The following COL8A1 variants were observed in gnomAD, a reference collection of about 807,000 sequenced individuals.
COL8A1 encodes collagen type VIII alpha 1 chain, also known as collagen alpha-1(VIII) chain.
In COL8A1, 21 loss-of-function variants were observed where a neutral mutation model predicts 42.7. The ratio of observed to expected loss-of-function variants is 0.49; its 90% CI spans 0.35 to 0.71. COL8A1 has a LOEUF of 0.71. Among genes scored for constraint, COL8A1 ranks in the 30% least tolerant of loss-of-function variants. COL8A1 has a pLI of 0.01. For synonymous variants in COL8A1, 367 were observed against 369.1 expected (o/e 0.99, Z 0.06); for missense variants, 788 against 962.4 (o/e 0.82, Z 2.40).
intron 1 of COL8A1, among the ~76,000 whole-genome samples, chr3:99,696,430 G>A (rs774850119): frequency 3.3e-5 from 5 of 152,180 alleles, no homozygotes; most frequent in South Asian, 2.1e-4. Flanking sequence ...AGCCTGGACC[G>A]AAGAGGACAA....
intron 1 of COL8A1, among the ~76,000 whole-genome samples, chr3:99,651,660 T>C (rs938963080): frequency 1.3e-5 from 2 of 152,216 alleles, no homozygotes; most frequent in African/African-American, 2.4e-5. Flanking sequence ...GCAGATTAGA[T>C]TCTAACCTAT....
intron 1 of COL8A1, among the ~76,000 whole-genome samples, chr3:99,736,992 T>C (rs1458583510): frequency 6.6e-6 from 1 of 152,332 alleles, no homozygotes. Context: ...TGTAATGGCC[T>C]TCTTTGTCTC....
At chr3:99,705,005 A>T (rs1302903829) in intron 1 of COL8A1, among the ~76,000 whole-genome samples, 1 of 152,174 alleles carries the variant, frequency 6.6e-6, no homozygotes, top group Non-Finnish European at 1.5e-5. Flanking sequence ...ATATATTGCA[A>T]GGCAGAAGAG....
At chr3:99,714,222 A>T (rs545741347) in intron 1 of COL8A1, among the ~76,000 whole-genome samples, 100 of 152,156 alleles carry the variant, frequency 6.6e-4, no homozygotes, top group African/African-American at 2.3e-3. Flanking sequence ...TCTTTTTTGT[A>T]TTCAGACCAT....
At chr3:99,699,469 C>T (rs1054043387) in intron 1 of COL8A1, among the ~76,000 whole-genome samples, 3 of 152,194 alleles carry the variant, frequency 2.0e-5, no homozygotes, top group Non-Finnish European at 4.4e-5. Flanking sequence ...CTGTCCTCTG[C>T]AGAACCTAGC....
intron 2 of COL8A1, among the ~76,000 whole-genome samples, chr3:99,779,643 C>T (rs190139108): frequency 5.9e-5 from 9 of 152,258 alleles, no homozygotes; most frequent in African/African-American, 1.4e-4. Context: ...GGAGACGCGC[C>T]GCACTGAAGT....
chr3:99,657,821 C>T (rs1391999721), intron 1 of COL8A1, among the ~76,000 whole-genome samples: 2 of 152,126 alleles, frequency 1.3e-5, no homozygotes, highest in East Asian at 3.9e-4. Context: ...CAGATTGTGA[C>T]TCACCCCTGT....
At chr3:99,790,561 C>A (rs1941981156) in intron 2 of COL8A1, 119 bp from the exon 3 acceptor site, 2 of 744,562 alleles carry the variant, frequency 2.7e-6, no homozygotes, top group South Asian at 1.9e-5. Flanking sequence ...TGACTTCTAT[C>A]ATGAAGTTCT....
chr3:99,779,781 G>A (rs962388198), intron 2 of COL8A1, among the ~76,000 whole-genome samples: 3 of 151,902 alleles, frequency 2.0e-5, no homozygotes, highest in Admixed American at 6.6e-5. Context: ...ACTCAGACTG[G>A]GGATTTAGAA....
At chr3:99,660,184 A>C (rs970880755) in intron 1 of COL8A1, among the ~76,000 whole-genome samples, 1 of 152,094 alleles carries the variant, frequency 6.6e-6, no homozygotes. Context: ...TCCAGCGGGG[A>C]AAGAAGAGGA....
chr3:99,705,338 G>A (rs1939651783), intron 1 of COL8A1, among the ~76,000 whole-genome samples: 1 of 152,124 alleles, frequency 6.6e-6, no homozygotes, highest in Non-Finnish European at 1.5e-5. Flanking sequence ...CATTTCTATA[G>A]GCAATCTATG....
intron 1 of COL8A1, among the ~76,000 whole-genome samples, chr3:99,661,532 G>A (rs939045503): frequency 6.6e-6 from 1 of 152,066 alleles, no homozygotes; most frequent in Admixed American, 6.6e-5. Flanking sequence ...AATATAAAAT[G>A]GTACAGCTGC....
intron 1 of COL8A1, among the ~76,000 whole-genome samples, chr3:99,642,329 G>A (rs576222360): frequency 6.6e-6 from 1 of 152,160 alleles, no homozygotes; most frequent in Non-Finnish European, 1.5e-5. Flanking sequence ...GTCACACAAG[G>A]TTAGAATGTC....
At chr3:99,663,765 G>A (rs1037416212) in intron 1 of COL8A1, among the ~76,000 whole-genome samples, 1 of 151,724 alleles carries the variant, frequency 6.6e-6, no homozygotes, top group African/African-American at 2.4e-5. Flanking sequence ...ATTGAAGCCA[G>A]GTTTTGTTTT....
rs751168494 is a variant in COL8A1, at chr3:99,795,099, C to A, written c.1198C>A (p.Pro400Thr). 4 of 1,613,046 alleles carry A rather than the reference C, an allele frequency of 2.5e-6. No individual in the cohort carries two copies. Among genetic ancestry groups the A allele is most frequent in the Non-Finnish European group, 1.7e-6 (2 of 1,179,546 alleles). ...GEPGLPGIPGPMGPPGAIGFP... is the reference protein window; with the variant it reads ...GEPGLPGIPGTMGPPGAIGFP... ...GCCAGGCCTGCCTGGAATCCCAGGT[C>A]CTATGGGCCCTCCAGGTGCTATTGG... The change falls in exon 4 of 4, where the codon CCT (proline) becomes ACT (threonine). Residue 400 changes from proline to threonine, a missense_variant. Coordinates refer to ENST00000652472, the MANE Select transcript of COL8A1 (RefSeq NM_020351.4).
chr3:99,725,784 T>C (rs968056687), intron 1 of COL8A1, among the ~76,000 whole-genome samples: 11 of 152,068 alleles, frequency 7.2e-5, no homozygotes, highest in Admixed American at 7.2e-4. Context: ...ATGGTGCATA[T>C]GTGCAACATT....
intron 2 of COL8A1, among the ~76,000 whole-genome samples, chr3:99,763,188 G>A (rs1276789426): frequency 1.3e-5 from 2 of 152,110 alleles, no homozygotes; most frequent in East Asian, 1.9e-4. Flanking sequence ...AACAGAGCCT[G>A]TTATATATTC....
At chr3:99,787,853 C>G (rs1052185428) in intron 2 of COL8A1, among the ~76,000 whole-genome samples, 5 of 80,762 alleles carry the variant, frequency 6.2e-5, no homozygotes, top group Non-Finnish European at 1.2e-4. Context: ...TTCAAGAACA[C>G]AAATACACAC....
intron 3 of COL8A1, among the ~76,000 whole-genome samples, chr3:99,793,295 T>A (rs1415374781): frequency 2.6e-5 from 4 of 152,196 alleles, no homozygotes; most frequent in African/African-American, 9.6e-5. Context: ...TCTCACGAGA[T>A]AAAAATAAGT....
Sources: gnomAD v4.1 joint callset for allele counts (sites outside exome capture counted in the v4.1 genomes callset) on GRCh38, gnomAD v4.1.1 for gene constraint, MANE v1.5 for transcripts, NCBI Gene and HGNC (gene_info 2026-07-23, HGNC 2026-07-21) for gene names.